The following ERI3 variants were observed in gnomAD, a reference collection of about 807,000 sequenced individuals.
The protein encoded by ERI3 is ERI1 exoribonuclease 3.
ERI3 carries 18 observed loss-of-function variants against 44.4 expected under a neutral mutation model. The observed-to-expected ratio is 0.41, with a 90% CI of 0.28 to 0.60. The LOEUF is 0.60. Ranked by LOEUF, ERI3 falls within the 20% of genes least tolerant of loss-of-function variation. The probability of loss-of-function intolerance (pLI) is 0.36; values close to 1 mark genes in which losing one functional copy is unlikely to be tolerated. For synonymous variants in ERI3, 183 were observed against 164.8 expected, an observed-to-expected ratio of 1.11 and a Z score of -0.84; for missense variants, 294 against 435.5, an observed-to-expected ratio of 0.68 and a Z score of 2.89.
intron 8 of ERI3, among the ~76,000 whole-genome samples, chr1:44,232,694 C>T (rs953378258): frequency 3.9e-5 from 6 of 152,174 alleles, no homozygotes; most frequent in Non-Finnish European, 8.8e-5. Flanking sequence ...GCGTATTTCC[C>T]AGATGAGCTG....
intron 2 of ERI3, among the ~76,000 whole-genome samples, chr1:44,343,870 A>C (rs1427325693): frequency 6.6e-6 from 1 of 152,192 alleles, no homozygotes; most frequent in Non-Finnish European, 1.5e-5. Context: ...CAAATGGTTC[A>C]GGGAAAAAAT....
intron 3 of ERI3, among the ~76,000 whole-genome samples, chr1:44,324,919 T>C (rs1646277709): frequency 6.6e-6 from 1 of 152,164 alleles, no homozygotes; most frequent in Non-Finnish European, 1.5e-5. Flanking sequence ...ATTTTTCAAA[T>C]ATCCAAGGTT....
intron 4 of ERI3, among the ~76,000 whole-genome samples, chr1:44,314,080 G>A (rs1383468819): frequency 6.6e-6 from 1 of 151,696 alleles, no homozygotes; most frequent in South Asian, 2.1e-4. Context: ...ACCACCCCCA[G>A]CATGTCCCTG....
At chr1:44,259,880 T>TAGAC (rs1242993136) in intron 7 of ERI3, among the ~76,000 whole-genome samples, 1 of 126,404 alleles carries the variant, frequency 7.9e-6, no homozygotes, top group East Asian at 2.2e-4. Flanking sequence ...ACCCTCTAGA[T>TAGAC]AGATAGATAG....
At chr1:44,229,896 A>G (rs2154315775) in intron 8 of ERI3, among the ~76,000 whole-genome samples, 1 of 152,282 alleles carries the variant, frequency 6.6e-6, no homozygotes, top group South Asian at 2.1e-4. Flanking sequence ...GAGAAAGACC[A>G]GAGTTGGGGA....
At chr1:44,248,234 C>G (rs569203736) in intron 7 of ERI3, among the ~76,000 whole-genome samples, 196 bp from the exon 8 acceptor site, 1 of 152,268 alleles carries the variant, frequency 6.6e-6, no homozygotes, top group South Asian at 2.1e-4. Flanking sequence ...AGTGCCTTTT[C>G]TCCTGGGCTT....
chr1:44,306,157 C>T (rs1645827997), intron 6 of ERI3, among the ~76,000 whole-genome samples: 1 of 152,206 alleles, frequency 6.6e-6, no homozygotes, highest in Non-Finnish European at 1.5e-5. Context: ...CACAGAGCTC[C>T]CTCCCCCAAG....
At chr1:44,338,829 G>C (rs146075010) in intron 3 of ERI3, among the ~76,000 whole-genome samples, 2 of 152,252 alleles carry the variant, frequency 1.3e-5, no homozygotes, top group East Asian at 3.9e-4. Context: ...GCTGAGACTA[G>C]AGAGAAACAA....
At chr1:44,244,028 C>T (rs983960958) in intron 8 of ERI3, 1 of 152,170 alleles carries the variant, frequency 6.6e-6, no homozygotes, top group African/African-American at 2.4e-5. Flanking sequence ...TGCCTGCCTT[C>T]ATTAAGACTG....
chr1:44,242,288 C>T (rs1644455882), intron 8 of ERI3, among the ~76,000 whole-genome samples: 1 of 152,212 alleles, frequency 6.6e-6, no homozygotes, highest in Non-Finnish European at 1.5e-5. Context: ...AGGCAAGGTA[C>T]CTCTCTGGAA....
chr1:44,319,845 T>G, intron 3 of ERI3, 101 bp from the exon 4 acceptor site: 1 of 921,350 alleles, frequency 1.1e-6, no homozygotes, highest in Non-Finnish European at 1.7e-6. Context: ...TTGGATTCAT[T>G]AGTGTTTTGG....
At chr1:44,245,394 G>A (rs1011506719) in intron 8 of ERI3, among the ~76,000 whole-genome samples, 2 of 152,132 alleles carry the variant, frequency 1.3e-5, no homozygotes, top group Non-Finnish European at 1.5e-5. Context: ...CCAGTGTCCT[G>A]GGGAGCCGCT....
At chr1:44,346,555 A>G (rs987858855) in intron 2 of ERI3, among the ~76,000 whole-genome samples, 1 of 152,146 alleles carries the variant, frequency 6.6e-6, no homozygotes, top group Non-Finnish European at 1.5e-5. Context: ...AACACACCAT[A>G]AATAGACTAG....
At chr1:44,311,889 G>A (rs930810238) in intron 5 of ERI3, among the ~76,000 whole-genome samples, 1 of 151,542 alleles carries the variant, frequency 6.6e-6, no homozygotes, top group Non-Finnish European at 1.5e-5. Context: ...TTGGTCATAG[G>A]AATGAATCTC....
chr1:44,326,139 C>T (rs959568528), intron 3 of ERI3, among the ~76,000 whole-genome samples: 1 of 152,200 alleles, frequency 6.6e-6, no homozygotes, highest in Non-Finnish European at 1.5e-5. Context: ...CTTCAACCCT[C>T]GGAAGAAAAT....
intron 2 of ERI3, among the ~76,000 whole-genome samples, chr1:44,346,968 G>C (rs183637868): frequency 6.6e-6 from 1 of 152,268 alleles, no homozygotes; most frequent in Non-Finnish European, 1.5e-5. Flanking sequence ...GCCAGGCATT[G>C]TATCGATGAT....
In ERI3 at chr1:44,355,186, C is replaced by G. The variant is rs893209906; in HGVS notation, c.-160G>C. 5 of 1,201,918 alleles carry G rather than the reference C, an allele frequency of 4.2e-6. No homozygotes were observed. The African/African-American group carries it at 7.9e-5, about 19-fold the overall frequency. 74.5% of individuals were successfully genotyped at this position (1,201,918 alleles called of 1,614,324 possible). ...AGGCAGAGGCAGGGCCAGCTCCGCC[C>G]GCTCCCCACCGCCCGTTCCCGGCCG... On this transcript the variant is annotated 5_prime_UTR_variant, in exon 1 of 9. Coordinates refer to ENST00000372257, the MANE Select transcript of ERI3 (RefSeq NM_024066.3).
chr1:44,334,049 G>A (rs1646483442), intron 3 of ERI3, among the ~76,000 whole-genome samples: 1 of 152,190 alleles, frequency 6.6e-6, no homozygotes, highest in Non-Finnish European at 1.5e-5. Context: ...CAGTCAGTAG[G>A]GCTGCTGCAG....
chr1:44,297,769 C>G (rs1047278988), intron 6 of ERI3, among the ~76,000 whole-genome samples: 1 of 152,206 alleles, frequency 6.6e-6, no homozygotes, highest in African/African-American at 2.4e-5. Context: ...GATTGGCAAG[C>G]GCTGACAAAA....
Sources: gnomAD v4.1 joint callset for allele counts (sites outside exome capture counted in the v4.1 genomes callset) on GRCh38, gnomAD v4.1.1 for gene constraint, MANE v1.5 for transcripts, NCBI Gene and HGNC (gene_info 2026-07-23, HGNC 2026-07-21) for gene names.